SIPA1L1: variants seen among roughly 807,000 people sequenced by gnomAD.
The protein encoded by SIPA1L1 is signal-induced proliferation-associated 1-like protein 1.
A neutral mutation model predicts 162.7 loss-of-function variants in SIPA1L1; 26 were observed. The ratio of observed to expected loss-of-function variants is 0.16; its 90% CI spans 0.12 to 0.22. The LOEUF (loss-of-function observed/expected upper bound fraction) is 0.22, where lower values mean the gene tolerates loss of function less well. SIPA1L1 is among the 10% of genes least tolerant of loss of function. The pLI is 1.00. For synonymous variants in SIPA1L1, 829 were observed against 837.4 expected (o/e 0.99, Z 0.17); for missense variants, 1,874 against 2,241.0 (o/e 0.84, Z 3.31).
intron 13 of SIPA1L1, 72 bp from the exon 14 acceptor site, chr14:71,698,909 T>C (rs1332729052): frequency 4.7e-6 from 7 of 1,484,442 alleles, no homozygotes; most frequent in African/African-American, 1.4e-5. Flanking sequence ...TTATATGATA[T>C]TATCCATCAT....
chr14:71,588,057 C>G lies in SIPA1L1; in HGVS notation c.185C>G (p.Ser62Cys), dbSNP rs751631085. ...APVGPPRSEG[S>C]HHITSTPGVP... ...GTAGGACCCCCCCGAAGTGAAGGTT[C>G]TCACCATATAACCTCAACCCCCGGA... The change falls in exon 5 of 24, where the codon TCT becomes TGT. Residue 62 changes from serine (S) to cysteine (C), a missense_variant. Physicochemically the swap from Ser to Cys is moderately radical, Grantham distance 112. This residue lies in a region of SIPA1L1 where 685 missense variants were observed against 828.0 expected (regional missense o/e 0.83). Transcript: ENST00000381232. The surrounding 1 kb of genome is among the most constrained non-coding windows in gnomAD (Gnocchi z 4.3). 3.7e-6 allele frequency: 6 copies of G among 1,613,982 alleles called. No homozygotes were observed. In the African/African-American group the frequency reaches 8.0e-5, roughly 22 times the overall value.
intron 4 of SIPA1L1, among the ~76,000 whole-genome samples, chr14:71,544,241 T>C (rs1379022898): frequency 6.9e-6 from 1 of 144,014 alleles, no homozygotes; most frequent in Non-Finnish European, 1.6e-5. Context: ...CATGTATGTA[T>C]ACACATATGT....
intron 4 of SIPA1L1, among the ~76,000 whole-genome samples, chr14:71,537,973 G>A (rs1474566119): frequency 6.6e-6 from 1 of 152,042 alleles, no homozygotes; most frequent in Non-Finnish European, 1.5e-5. Flanking sequence ...GCTTGTCAGT[G>A]TTTGTTTTTA....
intron 6 of SIPA1L1, among the ~76,000 whole-genome samples, chr14:71,620,000 T>C (rs12587301): frequency 0.12 from 18,732 of 152,248 alleles, 1,563 homozygotes; most frequent in East Asian, 0.41. Context: ...AAGAACGTCA[T>C]GTTCTGTGTT....
intron 2 of SIPA1L1, among the ~76,000 whole-genome samples, chr14:71,396,071 A>G (rs934299876): frequency 7.2e-5 from 11 of 151,940 alleles, no homozygotes; most frequent in African/African-American, 2.2e-4. Flanking sequence ...TTCTTGTCCT[A>G]TCTTGCTTAA....
chr14:71,666,963 C>G (rs1821931124), intron 10 of SIPA1L1, among the ~76,000 whole-genome samples: 2 of 151,660 alleles, frequency 1.3e-5, no homozygotes, highest in South Asian at 4.2e-4. Flanking sequence ...TTCAGAAGGT[C>G]TATTTCAAGC....
At chr14:71,400,369 G>T (rs765771503) in intron 2 of SIPA1L1, among the ~76,000 whole-genome samples, 11 of 151,920 alleles carry the variant, frequency 7.2e-5, no homozygotes, top group Non-Finnish European at 1.5e-4. Flanking sequence ...AACCATCTCG[G>T]GACTTAAGGC....
chr14:71,706,761 C>T (rs1362631028), intron 16 of SIPA1L1, among the ~76,000 whole-genome samples: 2 of 152,072 alleles, frequency 1.3e-5, no homozygotes, highest in African/African-American at 2.4e-5. Context: ...TGGCTGGGTA[C>T]GGTGGCTCAC....
intron 2 of SIPA1L1, among the ~76,000 whole-genome samples, chr14:71,438,420 C>A (rs1442096192): frequency 6.6e-6 from 1 of 152,178 alleles, no homozygotes; most frequent in Non-Finnish European, 1.5e-5. Context: ...CATAATGAAT[C>A]CTGTTCTCAA....
intron 4 of SIPA1L1, among the ~76,000 whole-genome samples, chr14:71,579,002 A>T (rs2033534489): frequency 6.6e-6 from 1 of 152,268 alleles, no homozygotes; most frequent in African/African-American, 2.4e-5. Flanking sequence ...AGAGAATTGT[A>T]ATACTTGAGC....
intron 2 of SIPA1L1, among the ~76,000 whole-genome samples, chr14:71,388,924 C>CCTAT (rs528695563): frequency 8.1e-4 from 124 of 152,238 alleles, no homozygotes; most frequent in African/African-American, 2.9e-3. Context: ...TACCACCTTA[C>CCTAT]CTATATAAAT....
intron 4 of SIPA1L1, among the ~76,000 whole-genome samples, chr14:71,543,837 CAT>C (rs886837502): frequency 1.5e-5 from 2 of 134,616 alleles, no homozygotes; most frequent in African/African-American, 2.9e-5. Flanking sequence ...ATACATATAT[CAT>C]ATGTATGTGT....
At chr14:71,392,512 A>G (rs2040838004) in intron 2 of SIPA1L1, among the ~76,000 whole-genome samples, 1 of 152,110 alleles carries the variant, frequency 6.6e-6, no homozygotes, top group Admixed American at 6.5e-5. Flanking sequence ...TTCATAACAC[A>G]TACCTCTGTT....
chr14:71,536,317 G>T (rs1372327879), intron 4 of SIPA1L1, among the ~76,000 whole-genome samples: 1 of 152,114 alleles, frequency 6.6e-6, no homozygotes, highest in Non-Finnish European at 1.5e-5. Flanking sequence ...CTTCCAATGG[G>T]CTTCTTTTAA....
chr14:71,383,576 T>C (rs1053779219), intron 2 of SIPA1L1, among the ~76,000 whole-genome samples: 7 of 152,210 alleles, frequency 4.6e-5, no homozygotes, highest in African/African-American at 7.2e-5. Flanking sequence ...AATTAGCTCA[T>C]GGTTCTGCAA....
chr14:71,399,653 C>G (rs2041504510), intron 2 of SIPA1L1, among the ~76,000 whole-genome samples: 1 of 152,158 alleles, frequency 6.6e-6, no homozygotes, highest in Admixed American at 6.5e-5. Context: ...AAACCATCCT[C>G]TCTTCTCTGC....
intron 2 of SIPA1L1, among the ~76,000 whole-genome samples, chr14:71,447,832 A>T (rs2045528693): frequency 1.3e-5 from 2 of 151,968 alleles, no homozygotes; most frequent in Admixed American, 1.3e-4. Context: ...GCCTCCCAAA[A>T]TGCTAGGATT....
intron 2 of SIPA1L1, chr14:71,330,597 A>C: frequency 9.7e-7 from 1 of 1,030,808 alleles, no homozygotes; most frequent in Non-Finnish European, 1.5e-6. Context: ...ACTGAGCTTC[A>C]GGAGGCTTCT....
At chr14:71,384,156 T>G (rs2040133344) in intron 2 of SIPA1L1, among the ~76,000 whole-genome samples, 1 of 152,218 alleles carries the variant, frequency 6.6e-6, no homozygotes, top group East Asian at 1.9e-4. Flanking sequence ...GGCACAGCAT[T>G]ATTGCTGAAT....
Sources: allele counts gnomAD v4.1 joint callset (sites outside exome capture counted in the v4.1 genomes callset), GRCh38; gene constraint gnomAD v4.1.1; regional missense constraint gnomAD v4.1.1; non-coding constraint Gnocchi (gnomAD v3.1); transcripts MANE v1.5; gene names NCBI Gene and HGNC (gene_info 2026-07-23, HGNC 2026-07-21).